Variants in DLG2 observed in about 807,000 individuals in gnomAD.
DLG2 encodes the protein disks large homolog 2.
In DLG2, 45 loss-of-function variants were observed where a neutral mutation model predicts 132.5. That is an observed-to-expected ratio of 0.34 (90% CI 0.27 to 0.44). The LOEUF is 0.44. Ranked by LOEUF, DLG2 falls within the 20% of genes least tolerant of loss-of-function variation. DLG2 has a pLI of 1.00. For synonymous variants in DLG2, 424 were observed against 419.6 expected, an observed-to-expected ratio of 1.01 and a Z score of -0.13; for missense variants, 1,045 against 1,196.9, an observed-to-expected ratio of 0.87 and a Z score of 1.87.
chr11:85,447,718 A>G (rs1004202122), intron 3 of DLG2, among the ~76,000 whole-genome samples: 8 of 152,196 alleles, frequency 5.3e-5, no homozygotes, highest in Non-Finnish European at 7.4e-5. Flanking sequence ...TACCCTAAAC[A>G]TTAAAGTAAA....
chr11:85,066,340 G>A (rs1048504474), intron 6 of DLG2, among the ~76,000 whole-genome samples: 1 of 151,522 alleles, frequency 6.6e-6, no homozygotes, highest in Admixed American at 6.6e-5. Context: ...AGTGACAGAG[G>A]GATTCATAGC....
chr11:83,563,549 T>C (rs2096650930), intron 19 of DLG2, among the ~76,000 whole-genome samples: 2 of 152,204 alleles, frequency 1.3e-5, no homozygotes, highest in East Asian at 3.9e-4. Context: ...TAAAACTTAA[T>C]GATGGGACTG....
Position 85,426,863 on chromosome 11 carries a change from T to C in DLG2, c.41-141498A>G, listed in dbSNP as rs576615957. On this transcript the variant is annotated intron_variant, in intron 3 of 27. Coordinates refer to ENST00000376104, the MANE Select transcript of DLG2 (RefSeq NM_001142699.3). ...GAGGAAGTTCAAACCCATGGCAAAG[T>C]AGTTAAAAACCTTGAAAAAAAATTA... Among the ~76,000 whole-genome samples the C allele has an allele frequency of 4.6e-5, 7 of 152,006 alleles. No individual in the cohort carries two copies. In the East Asian group the frequency reaches 1.4e-3, roughly 29 times the overall value.
intron 4 of DLG2, among the ~76,000 whole-genome samples, chr11:85,273,699 A>G (rs992836177): frequency 3.9e-5 from 6 of 152,216 alleles, no homozygotes; most frequent in Non-Finnish European, 7.4e-5. Context: ...CAGTGTGGTG[A>G]TTCCTCCAGG....
intron 3 of DLG2, among the ~76,000 whole-genome samples, chr11:85,373,954 C>T (rs1214108159): frequency 1.3e-5 from 2 of 152,148 alleles, no homozygotes; most frequent in South Asian, 2.1e-4. Context: ...ATGATAGCCA[C>T]TTTTCATGTA....
rs533503318 is a variant in DLG2 at position 83,870,427 on chromosome 11, G to C, written c.1565+3993C>G. On this transcript the variant is annotated intron_variant, in intron 16 of 27. Coordinates refer to ENST00000376104, the MANE Select transcript of DLG2 (RefSeq NM_001142699.3). ...GGCCTCCAGTTCCACACATGTTGCT[G>C]AAAATGACATGATTTCATTCTTTTT... 3.3e-5 allele frequency among the ~76,000 whole-genome samples: 5 copies of C among 152,288 alleles called. No individual in the cohort carries two copies. In the South Asian group the frequency reaches 8.3e-4, roughly 25 times the overall value.
intron 18 of DLG2, among the ~76,000 whole-genome samples, chr11:83,715,306 C>T (rs1448853701): frequency 1.3e-5 from 2 of 152,142 alleles, no homozygotes; most frequent in African/African-American, 4.8e-5. Context: ...ACATAGATTG[C>T]ACTGTGAATA....
intron 4 of DLG2, among the ~76,000 whole-genome samples, chr11:85,187,268 G>A (rs548840829): frequency 2.0e-5 from 3 of 152,170 alleles, no homozygotes; most frequent in East Asian, 1.9e-4. Flanking sequence ...ATCAGGGAAT[G>A]AGAATATGGT....
chr11:84,027,052 G>T (rs182308427), intron 11 of DLG2, among the ~76,000 whole-genome samples: 3 of 151,936 alleles, frequency 2.0e-5, no homozygotes, highest in East Asian at 3.9e-4. Flanking sequence ...AAATAAACTG[G>T]GGTGCTAGGA....
At chr11:84,808,231 T>C (rs76331795) in intron 6 of DLG2, among the ~76,000 whole-genome samples, 14,355 of 151,994 alleles carry the variant, frequency 0.094, 759 homozygotes, top group Non-Finnish European at 0.12. Flanking sequence ...TACTAAATAA[T>C]ACATGTGTCA....
At chr11:84,542,897 A>T (rs912499195) in intron 6 of DLG2, among the ~76,000 whole-genome samples, 1 of 133,558 alleles carries the variant, frequency 7.5e-6, no homozygotes, top group African/African-American at 2.9e-5. Context: ...TTGTTTAAAC[A>T]CTTTGACATT....
At chr11:83,915,236 A>G (rs1049824471) in intron 15 of DLG2, among the ~76,000 whole-genome samples, 1 of 152,184 alleles carries the variant, frequency 6.6e-6, no homozygotes, top group Non-Finnish European at 1.5e-5. Flanking sequence ...GGCTGGGGGC[A>G]GAACTTAAGC....
At chr11:85,456,555 T>C (rs960206579) in intron 3 of DLG2, among the ~76,000 whole-genome samples, 1 of 152,152 alleles carries the variant, frequency 6.6e-6, no homozygotes, top group Non-Finnish European at 1.5e-5. Context: ...CAAGGTGTGA[T>C]GTTAGGTTGT....
intron 16 of DLG2, among the ~76,000 whole-genome samples, chr11:83,861,989 A>C (rs1174582607): frequency 6.6e-6 from 1 of 152,176 alleles, no homozygotes; most frequent in Non-Finnish European, 1.5e-5. Context: ...TGTACCCCAT[A>C]AATATATACA....
At chr11:84,944,989 C>A (rs1037528094) in intron 6 of DLG2, among the ~76,000 whole-genome samples, 4 of 152,130 alleles carry the variant, frequency 2.6e-5, no homozygotes, top group African/African-American at 7.2e-5. Context: ...ATTTTGAATT[C>A]TTTGTCTGAA....
intron 3 of DLG2, among the ~76,000 whole-genome samples, chr11:85,525,930 A>T (rs925818884): frequency 4.6e-5 from 7 of 152,224 alleles, no homozygotes; most frequent in East Asian, 1.9e-4. Context: ...CAGAGCAGTT[A>T]TCAGTACATG....
chr11:83,870,074 C>T (rs141658053), intron 16 of DLG2, among the ~76,000 whole-genome samples: 392 of 152,302 alleles, frequency 2.6e-3, no homozygotes, highest in Middle Eastern at 0.01. Context: ...ATTTGTGCCA[C>T]CTCCCCTGAG....
intron 10 of DLG2, among the ~76,000 whole-genome samples, chr11:84,074,688 C>T (rs1594715565): frequency 6.6e-6 from 1 of 152,056 alleles, no homozygotes; most frequent in East Asian, 1.9e-4. Context: ...GCCACCACGC[C>T]CGGCTAATTT....
intron 6 of DLG2, among the ~76,000 whole-genome samples, chr11:84,913,943 C>T (rs11825264): frequency 0.018 from 2,812 of 152,232 alleles, 62 homozygotes; most frequent in African/African-American, 0.054. Flanking sequence ...TTCAGAGGTC[C>T]ATTTCAGAAA....
Sources: gnomAD v4.1 joint callset for allele counts (sites outside exome capture counted in the v4.1 genomes callset) on GRCh38, gnomAD v4.1.1 for gene constraint, MANE v1.5 for transcripts, NCBI Gene and HGNC (gene_info 2026-07-23, HGNC 2026-07-21) for gene names.